NRXN3: variants seen among roughly 807,000 people sequenced by gnomAD.
NRXN3 encodes the protein neurexin III.
NRXN3 carries 32 observed loss-of-function variants against 137.6 expected under a neutral mutation model. The observed-to-expected ratio is 0.23, with a 90% CI of 0.18 to 0.31. The LOEUF (loss-of-function observed/expected upper bound fraction) is 0.31, where lower values mean the gene tolerates loss of function less well. NRXN3 is among the 10% of genes least tolerant of loss of function. The pLI is 1.00. For missense variants in NRXN3, 1,574 were observed against 2,062.5 expected (o/e 0.76, Z 4.59); for synonymous variants, 798 against 784.5 (o/e 1.02, Z -0.29).
At chr14:78,832,228 G>A (rs562846023) in intron 10 of NRXN3, among the ~76,000 whole-genome samples, 9 of 152,228 alleles carry the variant, frequency 5.9e-5, no homozygotes, top group African/African-American at 2.2e-4. Flanking sequence ...ACCTGCCAAA[G>A]GTAATGATGG....
At chr14:79,744,180 T>C (rs371512248) in intron 19 of NRXN3, among the ~76,000 whole-genome samples, 1 of 152,184 alleles carries the variant, frequency 6.6e-6, no homozygotes, top group East Asian at 1.9e-4. Context: ...GTGACTACTG[T>C]TGTTGGCCAC....
chr14:78,880,239 CAAA>C (rs59348965), intron 10 of NRXN3, among the ~76,000 whole-genome samples: 1 of 45,272 alleles, frequency 2.2e-5, no homozygotes, highest in South Asian at 7.7e-4. Context: ...GACTCCGTCT[CAAA>C]AAAAAAAAAA....
intron 15 of NRXN3, among the ~76,000 whole-genome samples, chr14:79,270,242 G>T (rs966810488): frequency 1.3e-5 from 2 of 152,108 alleles, no homozygotes; most frequent in East Asian, 3.9e-4. Context: ...ATTTTGCTGT[G>T]GCTCCAAATG....
chr14:78,689,848 C>T (rs2098155544), intron 6 of NRXN3, among the ~76,000 whole-genome samples: 1 of 151,380 alleles, frequency 6.6e-6, no homozygotes, highest in Non-Finnish European at 1.5e-5. Context: ...CTCTCTCAAC[C>T]TCTCTCCCCT....
At chr14:78,189,539 A>G (rs1424320256) in intron 1 of NRXN3, among the ~76,000 whole-genome samples, 2 of 150,696 alleles carry the variant, frequency 1.3e-5, no homozygotes, top group East Asian at 3.9e-4. Flanking sequence ...AAACTCTCTG[A>G]TCCCAGTCCC....
intron 4 of NRXN3, among the ~76,000 whole-genome samples, chr14:78,380,520 G>A (rs1740015334): frequency 6.6e-6 from 1 of 152,052 alleles, no homozygotes; most frequent in Admixed American, 6.6e-5. Context: ...CAAAGGAGAA[G>A]GCAATGTGAA....
At chr14:78,204,176 A>G (rs990518478) in intron 1 of NRXN3, among the ~76,000 whole-genome samples, 3 of 152,140 alleles carry the variant, frequency 2.0e-5, no homozygotes, top group African/African-American at 7.2e-5. Flanking sequence ...CCTGCAGAGT[A>G]TAAGAATTAA....
At chr14:78,492,578 T>G (rs2095688670) in intron 4 of NRXN3, among the ~76,000 whole-genome samples, 1 of 152,168 alleles carries the variant, frequency 6.6e-6, no homozygotes, top group Non-Finnish European at 1.5e-5. Context: ...ATCTCTAACA[T>G]GACATATAAA....
chr14:78,715,105 C>T lies in NRXN3; in HGVS notation c.2010C>T (p.Thr670=), dbSNP rs756301310. 11 of 1,611,708 alleles carry T rather than the reference C, an allele frequency of 6.8e-6. No homozygotes were observed. The highest frequency in any genetic ancestry group is 2.2e-5 in the South Asian group (2 of 91,074). Reference sequence around the variant, plus strand: ...GGAACCGCTTCATCTGCGACTGCACCGGCACCGGATACTGGGGAAGAACCT... The same window carrying T: ...GGAACCGCTTCATCTGCGACTGCACTGGCACCGGATACTGGGGAAGAACCT... The part of the protein sequence containing the change: ...DGWNRFICDC[T]GTGYWGRTCE... Residue 670 remains threonine, a synonymous_variant, in exon 8 of 21, where the codon ACC becomes ACT. Transcript: ENST00000335750.
intron 11 of NRXN3, among the ~76,000 whole-genome samples, chr14:78,961,333 C>T (rs1172068370): frequency 6.6e-6 from 1 of 152,116 alleles, no homozygotes; most frequent in African/African-American, 2.4e-5. Context: ...CAAACCTTGA[C>T]CCCAAAGCAA....
chr14:78,870,491 C>T (rs984443910), intron 10 of NRXN3, among the ~76,000 whole-genome samples: 4 of 152,060 alleles, frequency 2.6e-5, no homozygotes, highest in Admixed American at 6.6e-5. Context: ...TTGGGGTATC[C>T]ATCACCTCAA....
chr14:78,487,249 T>G (rs2095575909), intron 4 of NRXN3, among the ~76,000 whole-genome samples: 1 of 152,200 alleles, frequency 6.6e-6, no homozygotes, highest in Admixed American at 6.5e-5. Context: ...TCAGTTCTAA[T>G]TCCACCCTGA....
intron 4 of NRXN3, among the ~76,000 whole-genome samples, chr14:78,546,334 T>C (rs985145924): frequency 6.6e-6 from 1 of 152,240 alleles, no homozygotes; most frequent in Admixed American, 6.5e-5. Flanking sequence ...CATTTTTGCA[T>C]TTGTTTGTAG....
At chr14:78,177,877 A>T (rs2059422714) in intron 1 of NRXN3, 1 of 152,496 alleles carries the variant, frequency 6.6e-6, no homozygotes, top group Admixed American at 6.5e-5. Context: ...TTAGCTTCCG[A>T]GATCAGATGA....
intron 16 of NRXN3, among the ~76,000 whole-genome samples, chr14:79,638,761 G>C (rs1419435239): frequency 6.6e-6 from 1 of 152,158 alleles, no homozygotes; most frequent in African/African-American, 2.4e-5. Flanking sequence ...GTTTGGATTG[G>C]GGAACAGACT....
chr14:79,556,842 C>G (rs2097434403), intron 16 of NRXN3, among the ~76,000 whole-genome samples: 1 of 152,212 alleles, frequency 6.6e-6, no homozygotes, highest in Non-Finnish European at 1.5e-5. Context: ...AGGCACCAGC[C>G]ACTGCACCCA....
chr14:78,186,925 A>G (rs982773458), intron 1 of NRXN3, among the ~76,000 whole-genome samples: 1 of 152,244 alleles, frequency 6.6e-6, no homozygotes, highest in African/African-American at 2.4e-5. Flanking sequence ...CCTAAGCCAT[A>G]TGACCCTAAA....
intron 15 of NRXN3, among the ~76,000 whole-genome samples, chr14:79,082,107 CATAA>C (rs1487208755): frequency 1.3e-5 from 2 of 151,372 alleles, no homozygotes; most frequent in Non-Finnish European, 2.9e-5. Context: ...TATATACATA[CATAA>C]ATATATTTAT....
At chr14:79,389,551 C>T (rs2094769046) in intron 15 of NRXN3, among the ~76,000 whole-genome samples, 1 of 152,192 alleles carries the variant, frequency 6.6e-6, no homozygotes, top group Admixed American at 6.5e-5. Context: ...ATAACCCAAA[C>T]CCTTCTTTCC....
Sources: gnomAD v4.1 joint callset for allele counts (sites outside exome capture counted in the v4.1 genomes callset) on GRCh38, gnomAD v4.1.1 for gene constraint, MANE v1.5 for transcripts, NCBI Gene and HGNC (gene_info 2026-07-23, HGNC 2026-07-21) for gene names.